KERA: variants seen among roughly 807,000 people sequenced by gnomAD.
KERA encodes the protein keratocan, also known as keratan sulfate proteoglycan keratocan.
In KERA, 25 loss-of-function variants were observed where a neutral mutation model predicts 26.4. The ratio of observed to expected loss-of-function variants is 0.95; its 90% CI spans 0.69 to 1.32. KERA has a LOEUF of 1.32. Ranked by LOEUF, KERA falls within the 40% of genes most tolerant of loss-of-function variation. The pLI is 0.00. For missense variants in KERA, 434 were observed against 408.9 expected, an observed-to-expected ratio of 1.06 and a Z score of -0.53; for synonymous variants, 167 against 146.1, an observed-to-expected ratio of 1.14 and a Z score of -1.03.
rs547054836 is a variant in KERA, at chr12:91,056,058, T to C, written c.224A>G (p.Tyr75Cys). ...TATCAGGTTGTTTTGAAGATAAAGA[T>C]ACCAAATTCTTGAAGGAATAGCAGG... is the stretch of plus-strand genomic sequence containing the variant. ...EIPAIPSRIWYLYLQNNLIET... is the reference protein window; with the variant it reads ...EIPAIPSRIWCLYLQNNLIET... The change falls in exon 2 of 3, where the codon TAT becomes TGT. Residue 75 changes from tyrosine to cysteine, a missense_variant. Physicochemically the swap from Tyr to Cys is radical, Grantham distance 194. Transcript: ENST00000266719. 1.2e-6 allele frequency: 2 copies of C among 1,608,448 alleles called. No homozygotes were observed. The highest frequency in any genetic ancestry group is 1.3e-5 in the African/African-American group (1 of 74,584).
rs1171620379 is a variant in KERA at position 91,051,516 on chromosome 12, C to T, written c.889G>A (p.Val297Met). 1.2e-6 allele frequency: 2 copies of T among 1,604,966 alleles called. No homozygotes were observed. The highest frequency in any genetic ancestry group is 2.7e-5 in the African/African-American group (2 of 74,710). Reference protein sequence around the residue: ...LHLDHNKIKSVNVSVICPSPS... With the variant: ...LHLDHNKIKSMNVSVICPSPS... ...CTGGGACATATTACAGAGACATTCA[C>T]ACCTACAGTGACAAAGAGAATAGAT... Residue 297 changes from valine (V) to methionine (M), a missense_variant and splice_region_variant, in exon 3 of 3, where the codon GTG (valine) becomes ATG (methionine). By Grantham distance (21) the Val-to-Met change is conservative (BLOSUM62 1). Coordinates refer to ENST00000266719, the MANE Select transcript of KERA (RefSeq NM_007035.4).
intron 2 of KERA, among the ~76,000 whole-genome samples, chr12:91,052,293 G>T (rs1000679087): frequency 6.6e-6 from 1 of 151,368 alleles, no homozygotes; most frequent in Non-Finnish European, 1.5e-5. Flanking sequence ...AGGAGAGAAG[G>T]CCAGTTAAAC....
rs1490698735 is a variant in KERA at position 91,051,250 on chromosome 12, G to A, written c.*96C>T. 29 of 1,018,648 alleles carry A rather than the reference G, an allele frequency of 2.8e-5. No homozygotes were observed. The Admixed American group carries it at 5.1e-4, about 18-fold the overall frequency. The allele number at this position is 1,018,648 out of a possible 1,614,324, so 63.1% of individuals were successfully genotyped here. A position where few individuals can be genotyped will look rare whatever the true frequency, so the allele number is the denominator to read the frequency against. ...AATGAAAATGGTGGCCGAGAGCAAT[G>A]GGGAATATGACTTGTGTCCTAAACC... is the stretch of plus-strand genomic sequence containing the variant. On this transcript the variant is annotated 3_prime_UTR_variant, in exon 3 of 3. Coordinates refer to ENST00000266719, the MANE Select transcript of KERA (RefSeq NM_007035.4).
At chr12:91,057,525 A>C (rs1879043205) in intron 1 of KERA, among the ~76,000 whole-genome samples, 1 of 151,000 alleles carries the variant, frequency 6.6e-6, no homozygotes, top group South Asian at 2.1e-4. Flanking sequence ...TTGCCATTAA[A>C]TTGCAGAAAA....
chr12:91,057,328 C>G (rs1019228360), intron 1 of KERA, among the ~76,000 whole-genome samples: 6 of 146,342 alleles, frequency 4.1e-5, no homozygotes, highest in African/African-American at 1.5e-4. Flanking sequence ...AGGAAATATA[C>G]ATATATATTT....
Position 91,055,529 on chromosome 12 carries a change from A to G in KERA, c.753T>C (p.Asp251=). The G allele has an allele frequency of 6.2e-7, 1 of 1,610,408 alleles. No homozygotes were observed. The highest frequency in any genetic ancestry group is 1.1e-5 in the South Asian group (1 of 90,954). Residue 251 remains aspartate, a synonymous_variant, in exon 2 of 3, where the codon GAT becomes GAC. Coordinates refer to ENST00000266719, the MANE Select transcript of KERA (RefSeq NM_007035.4). ...FLRLNHNKLS[D]EGLPSRGFDV... ...CAAATCCTCTTGATGGGAGACCCTC[A>G]TCTGACAGTTTGTTGTGATTTAGTC...
chr12:91,057,194 T>C (rs1411266428), intron 1 of KERA, among the ~76,000 whole-genome samples: 1 of 150,426 alleles, frequency 6.6e-6, no homozygotes, highest in Non-Finnish European at 1.5e-5. Flanking sequence ...AATTTCTTTA[T>C]ATTCATATTA....
intron 1 of KERA, among the ~76,000 whole-genome samples, chr12:91,057,429 G>T (rs1241795938): frequency 6.7e-6 from 1 of 149,704 alleles, no homozygotes; most frequent in African/African-American, 2.4e-5. Flanking sequence ...TTATTGAACT[G>T]ATTGATAATA....
rs144577356 is a variant in KERA at position 91,051,355 on chromosome 12, G to A, written c.1050C>T (p.Val350=). 2.4e-5 allele frequency: 38 copies of A among 1,610,418 alleles called. No homozygotes were observed. The African/African-American group carries it at 4.1e-4, about 18-fold the overall frequency. The part of the protein sequence containing the change: ...LMTCFRLLQA[V]II ...TTTGGTGAGAATGTGTTTAAATAAT[G>A]ACAGCCTGCAGAAGTCTGAAGCAGG... Residue 350 remains valine, a synonymous_variant, in exon 3 of 3, where the codon GTC becomes GTT. Transcript: ENST00000266719.
At chr12:91,052,350 C>T (rs1340702028) in intron 2 of KERA, among the ~76,000 whole-genome samples, 1 of 151,474 alleles carries the variant, frequency 6.6e-6, no homozygotes, top group African/African-American at 2.4e-5. Flanking sequence ...AACCATGAAT[C>T]CATATATTAC....
Position 91,051,451 on chromosome 12 carries a change from A to G in KERA, c.954T>C (p.Tyr318=), listed in dbSNP as rs768454000. ...MLPAERDSFS[Y]GPHLRYLRLD... Reference sequence around the variant, plus strand: ...GACGGAGGTAGCGAAGATGAGGTCCATAACTGAAGGAATCTCGTTCTGCAG... The same window carrying G: ...GACGGAGGTAGCGAAGATGAGGTCCGTAACTGAAGGAATCTCGTTCTGCAG... The change falls in exon 3 of 3, where the codon TAT becomes TAC. Residue 318 remains tyrosine (Y), a synonymous_variant. Coordinates refer to ENST00000266719, the MANE Select transcript of KERA (RefSeq NM_007035.4). The G allele has an allele frequency of 1.9e-5, 30 of 1,610,964 alleles. No individual in the cohort carries two copies. The South Asian group carries it at 3.0e-4, about 16-fold the overall frequency.
In KERA at chr12:91,050,587, A is replaced by G. The variant is rs11105951; in HGVS notation, c.*759T>C. Reference sequence around the variant, plus strand: ...TCAATATTTTTATTTAGAAAATCCAAAAAACACAATCAAATATAAAGAACA... The same window carrying G: ...TCAATATTTTTATTTAGAAAATCCAGAAAACACAATCAAATATAAAGAACA... On this transcript the variant is annotated 3_prime_UTR_variant, in exon 3 of 3. Transcript: ENST00000266719. The G allele has an allele frequency of 0.084, 12,785 of 152,046 alleles. 957 individuals carry two copies. The highest frequency in any genetic ancestry group is 0.2 in the African/African-American group (8,171 of 41,442). 9.4% of individuals were successfully genotyped at this position (152,046 alleles called of 1,614,324 possible). A position where few individuals can be genotyped will look rare whatever the true frequency, so the allele number is the denominator to read the frequency against.
At chr12:91,053,836 A>G (rs1293607759) in intron 2 of KERA, among the ~76,000 whole-genome samples, 1 of 151,406 alleles carries the variant, frequency 6.6e-6, no homozygotes, top group Non-Finnish European at 1.5e-5. Flanking sequence ...ACAAATGCTC[A>G]GGATGAAATG....
chr12:91,054,563 G>A (rs541863325), intron 2 of KERA, among the ~76,000 whole-genome samples: 6 of 150,962 alleles, frequency 4.0e-5, no homozygotes, highest in African/African-American at 1.2e-4. Context: ...TCTCTAATGT[G>A]TCCAACATCT....
Position 91,051,423 on chromosome 12 carries a change from C to G in KERA, c.982G>C (p.Asp328His). 1 of 1,611,224 alleles carries G rather than the reference C, an allele frequency of 6.2e-7. No individual in the cohort carries two copies. Among genetic ancestry groups the G allele is most frequent in the Non-Finnish European group, 8.5e-7 (1 of 1,178,068 alleles). Reference sequence around the variant, plus strand: ...ATTGGTGGTTTGATTTCATTTCCATCCAGACGGAGGTAGCGAAGATGAGGT... The same window carrying G: ...ATTGGTGGTTTGATTTCATTTCCATGCAGACGGAGGTAGCGAAGATGAGGT... ...YGPHLRYLRL[D>H]GNEIKPPIPM... Residue 328 changes from aspartate (D) to histidine (H), a missense_variant, in exon 3 of 3, where the codon GAT (aspartate) becomes CAT (histidine). Transcript: ENST00000266719.
Position 91,056,271 on chromosome 12 carries a change from G to A in KERA, c.11C>T (p.Thr4Ile). Residue 4 changes from threonine (T) to isoleucine (I), a missense_variant, in exon 2 of 3, where the codon ACA becomes ATA. Physicochemically the swap from Thr to Ile is moderately conservative, Grantham distance 89. Coordinates refer to ENST00000266719, the MANE Select transcript of KERA (RefSeq NM_007035.4). MAG[T>I]ICFIMWVLFI... is the part of the protein sequence containing the mutation. ...TAACACCCACATGATGAAACAGATT[G>A]TGCCTGCCATTATAGCACCTACAGA... The A allele has an allele frequency of 6.2e-7, 1 of 1,608,884 alleles. No homozygotes were observed.
intron 2 of KERA, among the ~76,000 whole-genome samples, chr12:91,051,753 C>A (rs982702210): frequency 2.0e-5 from 3 of 151,582 alleles, no homozygotes; most frequent in African/African-American, 7.3e-5. Flanking sequence ...TAGTATAGAG[C>A]ACTAGTAAGG....
chr12:91,053,771 A>C (rs1878921902), intron 2 of KERA, among the ~76,000 whole-genome samples: 1 of 151,344 alleles, frequency 6.6e-6, no homozygotes, highest in African/African-American at 2.4e-5. Flanking sequence ...CTAAAGTCTT[A>C]TACTTCTCAA....
At position 91,050,839 on chromosome 12, in the gene KERA, C is replaced by T. The variant is rs2120950569; in HGVS notation, c.*507G>A. On this transcript the variant is annotated 3_prime_UTR_variant, in exon 3 of 3. Coordinates refer to ENST00000266719, the MANE Select transcript of KERA (RefSeq NM_007035.4). ...ATTTGATTCATTCCATACCCATTCT[C>T]AAGCTAAATATCAAACTTGTACCAC... 6.3e-6 allele frequency: 1 copy of T among 159,754 alleles called. No homozygotes were observed. Among genetic ancestry groups the T allele is most frequent in the African/African-American group, 2.4e-5 (1 of 41,522 alleles). 9.9% of individuals were successfully genotyped at this position (159,754 alleles called of 1,614,324 possible). A position where few individuals can be genotyped will look rare whatever the true frequency, so the allele number is the denominator to read the frequency against.
Sources: gnomAD v4.1 joint callset for allele counts (sites outside exome capture counted in the v4.1 genomes callset) on GRCh38, gnomAD v4.1.1 for gene constraint, MANE v1.5 for transcripts, NCBI Gene and HGNC (gene_info 2026-07-23, HGNC 2026-07-21) for gene names.